Variants in LIX1 observed in about 807,000 individuals in gnomAD.
LIX1 encodes the protein protein limb expression 1 homolog.
A neutral mutation model predicts 33.4 loss-of-function variants in LIX1; 24 were observed. The observed-to-expected ratio is 0.72, with a 90% confidence interval of 0.52 to 1.01. LIX1 has a LOEUF of 1.01. Ranked by LOEUF, LIX1 falls within the 50% of genes least tolerant of loss-of-function variation. LIX1 has a pLI of 0.00. For missense variants in LIX1, 311 were observed against 339.2 expected, an observed-to-expected ratio of 0.92 and a Z score of 0.65; for synonymous variants, 124 against 124.0, an observed-to-expected ratio of 1.00 and a Z score of 0.00.
intron 1 of LIX1, among the ~76,000 whole-genome samples, chr5:97,133,468 A>G (rs1205240512): frequency 2.0e-5 from 3 of 152,242 alleles, no homozygotes; most frequent in African/African-American, 7.2e-5. Flanking sequence ...AAGAAAAGAG[A>G]GGGCATGAAT....
rs1746254007 is a variant in LIX1 at position 97,094,686 on chromosome 5, C to G, written c.*62G>C. On this transcript the variant is annotated 3_prime_UTR_variant, in exon 6 of 6. Coordinates refer to ENST00000274382, the MANE Select transcript of LIX1 (RefSeq NM_153234.5). ...GCTGGAGCCTCTGAGGACCTCTGCA[C>G]TGAGATTCCTAATGTTAATCTGGCC... 1 of 1,526,880 alleles carries G rather than the reference C, an allele frequency of 6.5e-7. No homozygotes were observed. The highest frequency in any genetic ancestry group is 1.4e-5 in the African/African-American group (1 of 72,978). The allele number at this position is 1,526,880 out of a possible 1,614,324, so 94.6% of individuals were successfully genotyped here. A position where few individuals can be genotyped will look rare whatever the true frequency, so the allele number is the denominator to read the frequency against.
chr5:97,133,338 A>G (rs1046920937), intron 1 of LIX1, among the ~76,000 whole-genome samples: 1 of 152,224 alleles, frequency 6.6e-6, no homozygotes, highest in African/African-American at 2.4e-5. Context: ...CATCTGTGGA[A>G]TGTAGTGTCT....
chr5:97,096,407 C>G (rs1322791949), intron 5 of LIX1, among the ~76,000 whole-genome samples: 1 of 152,148 alleles, frequency 6.6e-6, no homozygotes. Flanking sequence ...TCTCCTACCA[C>G]CAACTTGGCC....
chr5:97,114,649 G>T (rs1747586570), intron 2 of LIX1, among the ~76,000 whole-genome samples: 1 of 152,172 alleles, frequency 6.6e-6, no homozygotes, highest in Non-Finnish European at 1.5e-5. Context: ...GGTGGGGTCT[G>T]CATATAATAA....
At chr5:97,103,693 C>T (rs1378792887) in intron 4 of LIX1, among the ~76,000 whole-genome samples, 3 of 152,124 alleles carry the variant, frequency 2.0e-5, no homozygotes, top group South Asian at 2.1e-4. Context: ...AGGCCGGGCA[C>T]GGTGGCTCAC....
intron 1 of LIX1, among the ~76,000 whole-genome samples, chr5:97,124,903 G>A (rs772271683): frequency 3.3e-5 from 5 of 151,896 alleles, no homozygotes; most frequent in Admixed American, 2.6e-4. Flanking sequence ...AGTGGTTTTG[G>A]TACCCTAATT....
In LIX1 at chr5:97,093,619, T is replaced by TAAAAAAA. The variant is rs377036668; in HGVS notation, c.*1122_*1128dup. The stretch of plus-strand genomic sequence containing the variant: ...CAACATGATGAAATCCCGTCTCTAC[T>TAAAAAAA]AAAAAAAAAAAAAAAAAAAAAGTTT... On this transcript the variant is annotated 3_prime_UTR_variant, in exon 6 of 6. Transcript: ENST00000274382. 4 of 96,918 alleles carry TAAAAAAA rather than the reference T, an allele frequency of 4.1e-5. No homozygotes were observed. Among genetic ancestry groups the TAAAAAAA allele is most frequent in the Admixed American group, 1.1e-4 (1 of 8,904 alleles). 6.0% of individuals were successfully genotyped at this position (96,918 alleles called of 1,614,324 possible).
At chr5:97,112,322 C>T (rs1747442301) in intron 2 of LIX1, among the ~76,000 whole-genome samples, 1 of 152,148 alleles carries the variant, frequency 6.6e-6, no homozygotes, top group South Asian at 2.1e-4. Flanking sequence ...CAGTGGGAAA[C>T]ACTGTAAGAA....
At chr5:97,129,818 A>C (rs1748015197) in intron 1 of LIX1, among the ~76,000 whole-genome samples, 1 of 152,260 alleles carries the variant, frequency 6.6e-6, no homozygotes, top group South Asian at 2.1e-4. Context: ...TGTTATCAAA[A>C]GTATAGAAGA....
chr5:97,126,595 CT>C (rs1250797519), intron 1 of LIX1, among the ~76,000 whole-genome samples: 8 of 146,558 alleles, frequency 5.5e-5, no homozygotes, highest in Non-Finnish European at 1.2e-4. Context: ...CATTACAGAG[CT>C]TTTTAATTTT....
At chr5:97,126,629 TTTTC>T (rs1369005787) in intron 1 of LIX1, among the ~76,000 whole-genome samples, 4 of 150,928 alleles carry the variant, frequency 2.7e-5, no homozygotes, top group Non-Finnish European at 5.9e-5. Context: ...TGAAATAATA[TTTTC>T]TTTCTTTTTT....
chr5:97,097,004 C>T, intron 4 of LIX1, 117 bp from the exon 5 acceptor site: 4 of 808,710 alleles, frequency 4.9e-6, no homozygotes, highest in Non-Finnish European at 8.3e-6. Flanking sequence ...ACAATATTGT[C>T]ACAACACTTT....
Position 97,109,974 on chromosome 5 carries a change from C to T in LIX1, c.247-2474G>A, listed in dbSNP as rs573978652. Among the ~76,000 whole-genome samples the T allele has an allele frequency of 1.2e-3, 182 of 152,196 alleles. 3 individuals are homozygous for T. Among genetic ancestry groups the T allele is most frequent in the Non-Finnish European group, 3.4e-4 (23 of 68,036 alleles). On this transcript the variant is annotated intron_variant, in intron 2 of 5. Coordinates refer to ENST00000274382, the MANE Select transcript of LIX1 (RefSeq NM_153234.5). The stretch of plus-strand genomic sequence containing the variant: ...CATGGTGTACCCCATCTTCCTTATT[C>T]GCTCATTGGTTGATAGGCACTTAGG...
In LIX1 at chr5:97,094,667, G is replaced by A. The variant is rs193141032; in HGVS notation, c.*81C>T. 24 of 1,325,828 alleles carry A rather than the reference G, an allele frequency of 1.8e-5. No homozygotes were observed. The East Asian group carries it at 5.3e-4, about 29-fold the overall frequency. The allele number at this position is 1,325,828 out of a possible 1,614,324, so 82.1% of individuals were successfully genotyped here. A position where few individuals can be genotyped will look rare whatever the true frequency, so the allele number is the denominator to read the frequency against. The stretch of plus-strand genomic sequence containing the variant: ...TTCAGGTAGTACTAGAGATGCTGGA[G>A]CCTCTGAGGACCTCTGCACTGAGAT... On this transcript the variant is annotated 3_prime_UTR_variant, in exon 6 of 6. Transcript: ENST00000274382.
chr5:97,121,887 A>G (rs1408283194), intron 2 of LIX1, among the ~76,000 whole-genome samples: 2 of 152,272 alleles, frequency 1.3e-5, no homozygotes, highest in African/African-American at 4.8e-5. Context: ...CCCCTGAATG[A>G]GAGGACAGCT....
intron 2 of LIX1, 138 bp downstream of exon 2, chr5:97,124,328 G>A: frequency 3.1e-6 from 2 of 646,534 alleles, no homozygotes; most frequent in South Asian, 7.3e-5. Context: ...ATTCCTTTCT[G>A]GTTGTTTTCA....
At chr5:97,109,731 C>T (rs546209756) in intron 2 of LIX1, among the ~76,000 whole-genome samples, 3 of 151,980 alleles carry the variant, frequency 2.0e-5, no homozygotes. Flanking sequence ...AGTCTTTTAT[C>T]CCTCACCCCC....
rs750868633 is a variant in LIX1, at chr5:97,107,441, G to A, written c.306C>T (p.Ser102=). Residue 102 remains serine (S), a synonymous_variant, in exon 3 of 6, where the codon TCC becomes TCT. Transcript: ENST00000274382. ...RDAAKVALIN[S]LFNELPSRRI... is the part of the protein sequence containing the mutation. The stretch of plus-strand genomic sequence containing the variant: ...TGCGAGAGGGCAGCTCATTGAAGAG[G>A]GAGTTGATCAGGGCCACTTTAGCTG... 2 of 1,613,348 alleles carry A rather than the reference G, an allele frequency of 1.2e-6. No homozygotes were observed. The highest frequency in any genetic ancestry group is 2.7e-5 in the African/African-American group (2 of 74,898).
chr5:97,112,895 G>A (rs1747481203), intron 2 of LIX1, among the ~76,000 whole-genome samples: 1 of 151,608 alleles, frequency 6.6e-6, no homozygotes, highest in African/African-American at 2.4e-5. Context: ...AGTGACCCCT[G>A]CCCCGTGGCA....
Sources: allele counts gnomAD v4.1 joint callset (sites outside exome capture counted in the v4.1 genomes callset), GRCh38; gene constraint gnomAD v4.1.1; transcripts MANE v1.5; gene names NCBI Gene and HGNC (gene_info 2026-07-23, HGNC 2026-07-21).